The following TRIM44 variants were observed in gnomAD, a reference collection of about 807,000 sequenced individuals.
The protein encoded by TRIM44 is tripartite motif-containing protein 44.
A neutral mutation model predicts 37.4 loss-of-function variants in TRIM44; 13 were observed. The ratio of observed to expected loss-of-function variants is 0.35; its 90% CI spans 0.23 to 0.55. The LOEUF (loss-of-function observed/expected upper bound fraction) is 0.55, where lower values mean the gene tolerates loss of function less well. Ranked by LOEUF, TRIM44 falls within the 20% of genes least tolerant of loss-of-function variation. TRIM44 has a pLI of 0.89. For synonymous variants in TRIM44, 175 were observed against 157.2 expected, an observed-to-expected ratio of 1.11 and a Z score of -0.85; for missense variants, 426 against 437.2, an observed-to-expected ratio of 0.97 and a Z score of 0.23.
At chr11:35,741,004 G>A (rs544415295) in intron 4 of TRIM44, among the ~76,000 whole-genome samples, 19 of 152,200 alleles carry the variant, frequency 1.2e-4, no homozygotes, top group African/African-American at 4.3e-4. Context: ...AGGTTGTAGA[G>A]ATGAAAGAGG....
chr11:35,669,321 C>T (rs1474032688), intron 1 of TRIM44, among the ~76,000 whole-genome samples: 2 of 151,992 alleles, frequency 1.3e-5, no homozygotes, highest in Non-Finnish European at 2.9e-5. Flanking sequence ...CATTTTTTCC[C>T]CCTCTCTGTT....
chr11:35,694,707 G>T (rs570302446), intron 2 of TRIM44, among the ~76,000 whole-genome samples: 1 of 152,100 alleles, frequency 6.6e-6, no homozygotes, highest in South Asian at 2.1e-4. Flanking sequence ...TACCCTAAGG[G>T]TTTCAATGAG....
intron 2 of TRIM44, among the ~76,000 whole-genome samples, chr11:35,688,770 G>A (rs1009233951): frequency 1.3e-5 from 2 of 152,170 alleles, no homozygotes; most frequent in African/African-American, 4.8e-5. Flanking sequence ...CACCTCCAGA[G>A]TTTTTTATTC....
At chr11:35,673,648 C>G (rs1158109813) in intron 1 of TRIM44, among the ~76,000 whole-genome samples, 2 of 152,204 alleles carry the variant, frequency 1.3e-5, no homozygotes, top group African/African-American at 4.8e-5. Context: ...ATTCTCTCTC[C>G]TAGAAGTCTG....
chr11:35,761,246 TCTTTGGA>T (rs1288189135), intron 4 of TRIM44, among the ~76,000 whole-genome samples: 4 of 151,678 alleles, frequency 2.6e-5, no homozygotes, highest in African/African-American at 9.8e-5. Context: ...GTATAATTTA[TCTTTGGA>T]CTTACCACTT....
At chr11:35,779,574 C>T (rs758126874) in intron 4 of TRIM44, among the ~76,000 whole-genome samples, 2 of 152,178 alleles carry the variant, frequency 1.3e-5, no homozygotes, top group South Asian at 4.1e-4. Flanking sequence ...CCCCTCCTCT[C>T]CCATCTTATC....
At chr11:35,665,209 C>T (rs890583776) in intron 1 of TRIM44, among the ~76,000 whole-genome samples, 2 of 151,800 alleles carry the variant, frequency 1.3e-5, no homozygotes, top group Non-Finnish European at 2.9e-5. Context: ...GGTCATGTCT[C>T]GGTGTACATT....
At chr11:35,683,195 T>C (rs1851539000) in intron 1 of TRIM44, among the ~76,000 whole-genome samples, 1 of 152,186 alleles carries the variant, frequency 6.6e-6, no homozygotes, top group South Asian at 2.1e-4. Flanking sequence ...TTGTCAACTG[T>C]CTGCTATGAG....
intron 4 of TRIM44, among the ~76,000 whole-genome samples, chr11:35,766,344 A>G (rs1345986512): frequency 4.6e-5 from 7 of 152,236 alleles, no homozygotes; most frequent in African/African-American, 1.7e-4. Context: ...GGGGTTGGGA[A>G]TTTATCTGGT....
chr11:35,663,443 G>C lies in TRIM44; in HGVS notation c.332G>C (p.Ser111Thr). Residue 111 changes from serine (S) to threonine (T), a missense_variant, in exon 1 of 5, where the codon AGC becomes ACC. Around this residue, in one of 2 missense-constraint regions of TRIM44, gnomAD observed 331 missense variants for 303.0 expected, o/e 1.09. Coordinates refer to ENST00000299413, the MANE Select transcript of TRIM44 (RefSeq NM_017583.6). ...GAAGAGAGCGAGTCAGAGGAAGAGA[G>C]CGAGACAGAGGAAGAGAGTGAGGAT... is the stretch of plus-strand genomic sequence containing the variant. ...SEEESESEEE[S>T]ETEEESEDES... 1 of 1,566,776 alleles carries C rather than the reference G, an allele frequency of 6.4e-7. No homozygotes were observed. The highest frequency in any genetic ancestry group is 1.4e-5 in the African/African-American group (1 of 73,702).
intron 4 of TRIM44, among the ~76,000 whole-genome samples, chr11:35,736,890 G>A (rs1027982216): frequency 2.0e-4 from 30 of 151,742 alleles, no homozygotes; most frequent in African/African-American, 4.9e-4. Context: ...ACATATATTC[G>A]TGACCTACTG....
intron 4 of TRIM44, among the ~76,000 whole-genome samples, chr11:35,777,194 C>G (rs1312323285): frequency 6.6e-6 from 1 of 152,156 alleles, no homozygotes; most frequent in Non-Finnish European, 1.5e-5. Flanking sequence ...GAATTGATCC[C>G]TTTACCATTA....
intron 3 of TRIM44, among the ~76,000 whole-genome samples, chr11:35,728,604 C>T (rs548912171): frequency 6.6e-6 from 1 of 152,246 alleles, no homozygotes; most frequent in South Asian, 2.1e-4. Flanking sequence ...AATCTGGTAA[C>T]TTATTGGTGA....
At chr11:35,725,066 TCACACACACACACACACACA>T (rs59413888) in intron 2 of TRIM44, among the ~76,000 whole-genome samples, 1 of 141,072 alleles carries the variant, frequency 7.1e-6, no homozygotes, top group Admixed American at 6.9e-5. Context: ...ATGCACACAC[TCACACACACACACACACACA>T]CACACACACA....
At position 35,812,858 on chromosome 11, in the gene TRIM44, G is replaced by C. The variant is rs1853542646; in HGVS notation, c.*6473G>C. The C allele has an allele frequency of 6.6e-6, 1 of 152,162 alleles. No individual in the cohort carries two copies. Among genetic ancestry groups the C allele is most frequent in the African/African-American group, 2.4e-5 (1 of 41,434 alleles). 9.4% of individuals were successfully genotyped at this position (152,162 alleles called of 1,614,324 possible). On this transcript the variant is annotated 3_prime_UTR_variant, in exon 5 of 5. Coordinates refer to ENST00000299413, the MANE Select transcript of TRIM44 (RefSeq NM_017583.6). ...CAGTCAAATCTTCTGGCCTGAAACT[G>C]TACTTTTGGAAGGGAGAACTGTTAG...
chr11:35,737,851 T>C (rs1342824497), intron 4 of TRIM44, among the ~76,000 whole-genome samples: 1 of 151,496 alleles, frequency 6.6e-6, no homozygotes, highest in East Asian at 2.0e-4. Context: ...AAACAAAAAA[T>C]TGAAAAATAA....
chr11:35,701,274 G>A lies in TRIM44; in HGVS notation c.747+15938G>A, dbSNP rs541584704. Among the ~76,000 whole-genome samples the A allele has an allele frequency of 1.6e-4, 25 of 151,840 alleles. No homozygotes were observed. In the East Asian group the frequency reaches 3.5e-3, roughly 21 times the overall value. On this transcript the variant is annotated intron_variant, in intron 2 of 4. Transcript: ENST00000299413. The stretch of plus-strand genomic sequence containing the variant: ...AAACAGGTCTGTTTTTTTTCCCCCC[G>A]AAACGGGGTCTTTTGCGCAGCCTGT...
chr11:35,681,248 C>G (rs1447183851), intron 1 of TRIM44, among the ~76,000 whole-genome samples: 1 of 152,144 alleles, frequency 6.6e-6, no homozygotes, highest in East Asian at 1.9e-4. Flanking sequence ...TTTTTTTCAG[C>G]TGTAAAGTGA....
At chr11:35,701,158 A>G (rs1851782813) in intron 2 of TRIM44, among the ~76,000 whole-genome samples, 1 of 152,158 alleles carries the variant, frequency 6.6e-6, no homozygotes, top group South Asian at 2.1e-4. Context: ...TAAGGGTCCC[A>G]TTTTTATACC....
Sources: gnomAD v4.1 joint callset for allele counts (sites outside exome capture counted in the v4.1 genomes callset) on GRCh38, gnomAD v4.1.1 for gene constraint, gnomAD v4.1.1 regional missense constraint, MANE v1.5 for transcripts, NCBI Gene and HGNC (gene_info 2026-07-23, HGNC 2026-07-21) for gene names.